ANO10: variants seen among roughly 807,000 people sequenced by gnomAD.
The protein encoded by ANO10 is anoctamin 10.
ANO10 carries 77 observed loss-of-function variants against 74.7 expected under a neutral mutation model. That is an observed-to-expected ratio of 1.03 (90% CI 0.86 to 1.25). The LOEUF is 1.25. Ranked by LOEUF, ANO10 falls within the 50% of genes most tolerant of loss-of-function variation. The pLI, the probability that ANO10 is intolerant of heterozygous loss-of-function variation, is 0.00. For synonymous variants in ANO10, 279 were observed against 284.9 expected (o/e 0.98, Z 0.21); for missense variants, 721 against 778.1 (o/e 0.93, Z 0.87).
chr3:43,596,949 C>T (rs1479989071), intron 4 of ANO10, among the ~76,000 whole-genome samples: 1 of 152,134 alleles, frequency 6.6e-6, no homozygotes, highest in Non-Finnish European at 1.5e-5. Flanking sequence ...GAAAAGTGGG[C>T]AAAGGATATG....
intron 1 of ANO10, among the ~76,000 whole-genome samples, chr3:43,676,918 G>A (rs1004703901): frequency 2.0e-5 from 3 of 152,020 alleles, no homozygotes; most frequent in African/African-American, 7.3e-5. Flanking sequence ...CCTGAGAAAG[G>A]GGGATGATTT....
intron 1 of ANO10, among the ~76,000 whole-genome samples, chr3:43,633,097 T>C (rs1159550814): frequency 6.6e-6 from 1 of 152,226 alleles, no homozygotes; most frequent in Non-Finnish European, 1.5e-5. Flanking sequence ...TGTTTTCTAT[T>C]TTGAAATAAA....
intron 12 of ANO10, among the ~76,000 whole-genome samples, chr3:43,374,763 A>G (rs1400869348): frequency 1.3e-5 from 2 of 152,168 alleles, no homozygotes; most frequent in Non-Finnish European, 2.9e-5. Context: ...CTCCAGATAC[A>G]CCAGGTTAAC....
intron 11 of ANO10, among the ~76,000 whole-genome samples, chr3:43,491,697 C>T (rs2076730965): frequency 6.6e-6 from 1 of 152,100 alleles, no homozygotes; most frequent in Non-Finnish European, 1.5e-5. Context: ...TGCCTTACCC[C>T]TTGGTCAAAT....
chr3:43,388,176 C>T (rs2092178113), intron 12 of ANO10, among the ~76,000 whole-genome samples: 1 of 152,178 alleles, frequency 6.6e-6, no homozygotes, highest in South Asian at 2.1e-4. Flanking sequence ...TTGTGACTAA[C>T]AACCCCTGTG....
intron 11 of ANO10, among the ~76,000 whole-genome samples, chr3:43,449,007 G>T (rs1030249676): frequency 1.3e-5 from 2 of 151,760 alleles, no homozygotes; most frequent in African/African-American, 4.8e-5. Flanking sequence ...TAGTAGCTGA[G>T]ATTACAGGTA....
intron 9 of ANO10, among the ~76,000 whole-genome samples, chr3:43,559,009 C>G (rs769625295): frequency 5.3e-5 from 8 of 152,182 alleles, no homozygotes; most frequent in Non-Finnish European, 7.3e-5. Context: ...ATCAGAGAAC[C>G]TGTGGTGTAT....
At chr3:43,378,434 C>A (rs937390231) in intron 12 of ANO10, among the ~76,000 whole-genome samples, 3 of 152,184 alleles carry the variant, frequency 2.0e-5, no homozygotes, top group African/African-American at 7.2e-5. Flanking sequence ...AACTGCAGAC[C>A]GCAGAGAAAG....
At chr3:43,514,488 A>G (rs1043032762) in intron 11 of ANO10, among the ~76,000 whole-genome samples, 3 of 152,234 alleles carry the variant, frequency 2.0e-5, no homozygotes, top group African/African-American at 7.2e-5. Flanking sequence ...GCAAAAAGTG[A>G]TAGAACTGCA....
chr3:43,591,419 T>C (rs757760737), intron 4 of ANO10, among the ~76,000 whole-genome samples: 1 of 152,136 alleles, frequency 6.6e-6, no homozygotes. Flanking sequence ...CGGCTTATAA[T>C]AGAGCTATAA....
chr3:43,669,875 G>A (rs546797958), intron 1 of ANO10, among the ~76,000 whole-genome samples: 9 of 151,964 alleles, frequency 5.9e-5, no homozygotes, highest in East Asian at 3.9e-4. Flanking sequence ...ACAGGTGCCC[G>A]CCACCACGCC....
At chr3:43,391,572 T>C (rs1045075884) in intron 12 of ANO10, among the ~76,000 whole-genome samples, 1 of 152,246 alleles carries the variant, frequency 6.6e-6, no homozygotes, top group Non-Finnish European at 1.5e-5. Flanking sequence ...GACTCATTTC[T>C]AACCAACAGA....
rs751484346 is a variant in ANO10 at position 43,690,998 on chromosome 3, G to A, written c.-12+519C>T. 1 of 1,572,508 alleles carries A rather than the reference G, an allele frequency of 6.4e-7. No individual in the cohort carries two copies. Among genetic ancestry groups the A allele is most frequent in the East Asian group, 2.5e-5 (1 of 39,868 alleles). ...GCGCTTGCGCGGCGGCGGCTATGGC[G>A]GCGGAGGAGGAGGAGGTGGACTCTG... On this transcript the variant is annotated intron_variant, in intron 1 of 3. Transcript: ENST00000413397.
At chr3:43,522,320 T>C (rs1227320874) in intron 11 of ANO10, among the ~76,000 whole-genome samples, 1 of 152,088 alleles carries the variant, frequency 6.6e-6, no homozygotes, top group Non-Finnish European at 1.5e-5. Context: ...TTTACCATGA[T>C]AAAAAAATAC....
intron 11 of ANO10, among the ~76,000 whole-genome samples, chr3:43,475,408 TTTTAA>T (rs1434905218): frequency 6.6e-6 from 1 of 152,140 alleles, no homozygotes; most frequent in Non-Finnish European, 1.5e-5. Context: ...CCTTTTATGG[TTTTAA>T]TTTGTTATAT....
At chr3:43,444,714 G>T (rs535537201) in intron 11 of ANO10, among the ~76,000 whole-genome samples, 2 of 152,126 alleles carry the variant, frequency 1.3e-5, no homozygotes, top group Admixed American at 1.3e-4. Context: ...ACACACAATC[G>T]ACCTCCTGTG....
intron 1 of ANO10, chr3:43,621,658 C>T (rs1299750432): frequency 6.5e-6 from 1 of 152,732 alleles, no homozygotes; most frequent in African/African-American, 2.4e-5. Flanking sequence ...ATCCCCTCCA[C>T]AAACCTCTCC....
At chr3:43,652,972 C>T (rs1463438277) in intron 1 of ANO10, 2 of 151,596 alleles carry the variant, frequency 1.3e-5, no homozygotes, top group African/African-American at 2.4e-5. Context: ...CTTGGGAGGC[C>T]GAGGTGGGCG....
chr3:43,504,474 T>C (rs142765688), intron 11 of ANO10, among the ~76,000 whole-genome samples: 64 of 152,134 alleles, frequency 4.2e-4, no homozygotes, highest in African/African-American at 1.5e-3. Context: ...ACGAAACAGA[T>C]GGGCAATGTA....
Sources: allele counts gnomAD v4.1 joint callset (sites outside exome capture counted in the v4.1 genomes callset), GRCh38; gene constraint gnomAD v4.1.1; transcripts MANE v1.5; gene names NCBI Gene and HGNC (gene_info 2026-07-23, HGNC 2026-07-21).